The following NR2F1-AS1 variants were observed in gnomAD, a reference collection of about 807,000 sequenced individuals.
NR2F1-AS1 encodes NR2F1 antisense RNA 1.
At chr5:93,571,146 G>C (rs1466913952) in intron 1 of NR2F1-AS1, 1 of 152,150 alleles carries the variant, frequency 6.6e-6, no homozygotes, top group Middle Eastern at 3.4e-3. Flanking sequence ...ACGAGGGGCC[G>C]CCACAGGCAC....
At chr5:93,412,109 G>A (rs1748869971) in intron 4 of NR2F1-AS1, among the ~76,000 whole-genome samples, 1 of 152,180 alleles carries the variant, frequency 6.6e-6, no homozygotes, top group African/African-American at 2.4e-5. Context: ...TTGTGTATTA[G>A]TTACACCATC....
intron 4 of NR2F1-AS1, among the ~76,000 whole-genome samples, chr5:93,534,893 G>A (rs1751807983): frequency 6.6e-6 from 1 of 152,198 alleles, no homozygotes; most frequent in Non-Finnish European, 1.5e-5. Flanking sequence ...CATTTCCAAT[G>A]TGGGATGCTC....
intron 3 of NR2F1-AS1, among the ~76,000 whole-genome samples, chr5:93,554,626 GAT>G (rs1341609084): frequency 2.0e-5 from 3 of 152,158 alleles, no homozygotes; most frequent in Admixed American, 2.0e-4. Flanking sequence ...ATTAAAACTA[GAT>G]ATAAGTAAAA....
rs150520585 is a variant in NR2F1-AS1 at position 93,442,109 on chromosome 5, C to A, written n.639-46567G>T. On this transcript the variant is annotated intron_variant and non_coding_transcript_variant, in intron 4 of 5. Transcript: ENST00000660523. ...ATGGCCAAATAGGAACAGCTCCAGT[C>A]TACAGCTCCCAGCGTGAGCAACACA... is the stretch of plus-strand genomic sequence containing the variant. 2.1e-3 allele frequency among the ~76,000 whole-genome samples: 313 copies of A among 152,302 alleles called. 2 individuals are homozygous for A. Among genetic ancestry groups the A allele is most frequent in the African/African-American group, 7.1e-3 (295 of 41,570 alleles).
chr5:93,504,478 T>C (rs73133261), intron 4 of NR2F1-AS1, among the ~76,000 whole-genome samples: 16,036 of 152,074 alleles, frequency 0.11, 955 homozygotes, highest in Middle Eastern at 0.16. Flanking sequence ...GAATAAAAAA[T>C]AGGAAAAGCT....
chr5:93,441,552 A>G (rs1749571205), intron 4 of NR2F1-AS1, among the ~76,000 whole-genome samples: 1 of 152,192 alleles, frequency 6.6e-6, no homozygotes, highest in African/African-American at 2.4e-5. Flanking sequence ...TTTGGCCACT[A>G]TCTGAAATGA....
chr5:93,461,060 A>G (rs775815123), intron 4 of NR2F1-AS1, among the ~76,000 whole-genome samples: 12 of 152,252 alleles, frequency 7.9e-5, no homozygotes, highest in Non-Finnish European at 1.5e-4. Flanking sequence ...ACTTTTCACA[A>G]TAGCAAAGAC....
chr5:93,520,814 G>T lies in NR2F1-AS1; in HGVS notation n.638+32947C>A, dbSNP rs374839315. Among the ~76,000 whole-genome samples, 3 of 152,114 alleles carry T rather than the reference G, an allele frequency of 2.0e-5. No individual in the cohort carries two copies. In the East Asian group the frequency reaches 5.8e-4, roughly 29 times the overall value. Reference sequence around the variant, plus strand: ...ATATAAAATACAGCTTCTACATATTGCAAGCCTCCCCCCAAAGAAAGCTGT... The same window carrying T: ...ATATAAAATACAGCTTCTACATATTTCAAGCCTCCCCCCAAAGAAAGCTGT... On this transcript the variant is annotated intron_variant and non_coding_transcript_variant, in intron 4 of 5. Coordinates refer to ENST00000660523, the Ensembl canonical transcript of NR2F1-AS1.
intron 4 of NR2F1-AS1, among the ~76,000 whole-genome samples, chr5:93,505,007 C>T (rs1751156441): frequency 1.3e-5 from 2 of 152,186 alleles, no homozygotes; most frequent in African/African-American, 2.4e-5. Flanking sequence ...TGAGACCAGG[C>T]AAGTCCCTTC....
intron 2 of NR2F1-AS1, among the ~76,000 whole-genome samples, chr5:93,556,864 T>C (rs997920651): frequency 1.3e-5 from 2 of 152,234 alleles, no homozygotes; most frequent in Admixed American, 6.5e-5. Context: ...GTCGCCCAGT[T>C]TGTGGTATTT....
chr5:93,536,936 A>G (rs1409536168), intron 4 of NR2F1-AS1, among the ~76,000 whole-genome samples: 1 of 152,124 alleles, frequency 6.6e-6, no homozygotes, highest in African/African-American at 2.4e-5. Flanking sequence ...TGGTTTTAAA[A>G]ATGGGAGTTT....
chr5:93,522,373 A>G (rs1173062947), intron 4 of NR2F1-AS1, among the ~76,000 whole-genome samples: 3 of 152,216 alleles, frequency 2.0e-5, no homozygotes, highest in Non-Finnish European at 4.4e-5. Context: ...TTAAAAAAAG[A>G]GTCAATAGTA....
chr5:93,550,716 A>AG (rs1474413994), intron 4 of NR2F1-AS1, among the ~76,000 whole-genome samples: 3 of 152,198 alleles, frequency 2.0e-5, no homozygotes, highest in Non-Finnish European at 2.9e-5. Flanking sequence ...AATGTTAGCA[A>AG]GTGCATTTCA....
At chr5:93,564,143 A>AAAAAAAAAAAAAAAAAAT (rs1752563168) in intron 1 of NR2F1-AS1, among the ~76,000 whole-genome samples, 1 of 127,666 alleles carries the variant, frequency 7.8e-6, no homozygotes, top group Non-Finnish European at 1.6e-5. Flanking sequence ...AAAAAAAAAA[A>AAAAAAAAAAAAAAAAAAT]AAAAAAACAC....
chr5:93,471,338 A>G (rs1750360343), intron 4 of NR2F1-AS1, among the ~76,000 whole-genome samples: 1 of 151,894 alleles, frequency 6.6e-6, no homozygotes, highest in Non-Finnish European at 1.5e-5. Flanking sequence ...TCTACTCCTA[A>G]GAATTATCCT....
chr5:93,473,283 G>A (rs774679239), intron 4 of NR2F1-AS1, among the ~76,000 whole-genome samples: 15 of 151,798 alleles, frequency 9.9e-5, no homozygotes, highest in Non-Finnish European at 1.6e-4. Flanking sequence ...TTCTTTCTGA[G>A]TAATAAAGAT....
chr5:93,516,140 G>C (rs1035402985), intron 4 of NR2F1-AS1, among the ~76,000 whole-genome samples: 2 of 151,784 alleles, frequency 1.3e-5, no homozygotes, highest in African/African-American at 4.8e-5. Context: ...TCAACATCCA[G>C]ACAAAATGTG....
At chr5:93,412,147 C>A (rs1046340442) in intron 4 of NR2F1-AS1, among the ~76,000 whole-genome samples, 1 of 152,180 alleles carries the variant, frequency 6.6e-6, no homozygotes, top group African/African-American at 2.4e-5. Flanking sequence ...GGCATCTTTA[C>A]AAGAAACATT....
chr5:93,565,977 C>T (rs1288662739), intron 1 of NR2F1-AS1, among the ~76,000 whole-genome samples: 1 of 151,674 alleles, frequency 6.6e-6, no homozygotes, highest in East Asian at 1.9e-4. Context: ...ACAATCTGTA[C>T]TTTAAATACA....
Sources: gnomAD v4.1 joint callset for allele counts (sites outside exome capture counted in the v4.1 genomes callset) on GRCh38, gnomAD v4.1.1 for gene constraint, MANE v1.5 for transcripts, NCBI Gene and HGNC (gene_info 2026-07-23, HGNC 2026-07-21) for gene names.